NTS: variants seen among roughly 807,000 people sequenced by gnomAD.
NTS encodes the protein neurotensin.
A neutral mutation model predicts 19.5 loss-of-function variants in NTS; 20 were observed. The observed-to-expected ratio is 1.02, with a 90% CI of 0.72 to 1.49. The LOEUF (loss-of-function observed/expected upper bound fraction) is 1.49, where lower values mean the gene tolerates loss of function less well. Among genes scored for constraint, NTS ranks in the 40% most tolerant of loss-of-function variants. The pLI is 0.00. For synonymous variants in NTS, 71 were observed against 63.3 expected (o/e 1.12, Z -0.58); for missense variants, 215 against 193.1 (o/e 1.11, Z -0.67).
chr12:85,877,352 T>C (rs771285361), intron 2 of NTS, among the ~76,000 whole-genome samples: 4 of 152,054 alleles, frequency 2.6e-5, no homozygotes, highest in Non-Finnish European at 5.9e-5. Context: ...CTTCATTGTA[T>C]GTCTGGATTT....
Position 85,882,424 on chromosome 12 carries a change from TTAAA to T in NTS, c.*52_*55del. 1.5e-6 allele frequency: 2 copies of T among 1,306,544 alleles called. No individual in the cohort carries two copies. The highest frequency in any genetic ancestry group is 2.1e-6 in the Non-Finnish European group (2 of 952,802). The allele number at this position is 1,306,544 out of a possible 1,614,324, so 80.9% of individuals were successfully genotyped here. On this transcript the variant is annotated 3_prime_UTR_variant, in exon 4 of 4. Transcript: ENST00000256010. ...GTGATTGTGATTCATCATCCCTTAA[TTAAA>T]TATCAAATTATATTTGTGTGAAAAT... is the stretch of plus-strand genomic sequence containing the variant.
chr12:85,882,293 T>A lies in NTS; in HGVS notation c.431T>A (p.Ile144Asn). The change falls in exon 4 of 4, where the codon ATT becomes AAT. Residue 144 changes from isoleucine (I) to asparagine (N), a missense_variant. Transcript: ENST00000256010. ...NGKEEVIKRK[I>N]PYILKRQLYE... The stretch of plus-strand genomic sequence containing the variant: ...AAGGAAGAAGTCATAAAGAGAAAAA[T>A]TCCTTATATTCTGAAACGGCAGCTG... 1 of 1,608,508 alleles carries A rather than the reference T, an allele frequency of 6.2e-7. No individual in the cohort carries two copies. Among genetic ancestry groups the A allele is most frequent in the Non-Finnish European group, 8.5e-7 (1 of 1,177,494 alleles).
intron 3 of NTS, among the ~76,000 whole-genome samples, chr12:85,880,274 G>A (rs1881472595): frequency 6.6e-6 from 1 of 151,776 alleles, no homozygotes; most frequent in Non-Finnish European, 1.5e-5. Context: ...TTACAGCTTT[G>A]GAAAGATATA....
At position 85,882,505 on chromosome 12, in the gene NTS, A is replaced by G. The variant is rs1401205682; in HGVS notation, c.*130A>G. On this transcript the variant is annotated 3_prime_UTR_variant, in exon 4 of 4. Coordinates refer to ENST00000256010, the MANE Select transcript of NTS (RefSeq NM_006183.5). The stretch of plus-strand genomic sequence containing the variant: ...CTACAATTGTGGTTTATTGAATGTG[A>G]TTTTTCTGCACTAATATAAATTAGA... The G allele has an allele frequency of 1.4e-6, 1 of 707,894 alleles. No homozygotes were observed. The highest frequency in any genetic ancestry group is 1.8e-5 in the African/African-American group (1 of 54,452). 43.9% of individuals were successfully genotyped at this position (707,894 alleles called of 1,614,324 possible). A position where few individuals can be genotyped will look rare whatever the true frequency, so the allele number is the denominator to read the frequency against.
chr12:85,876,604 T>A (rs573949210), intron 1 of NTS, 36 bp from the exon 2 acceptor site: 1 of 1,275,464 alleles, frequency 7.8e-7, no homozygotes. Flanking sequence ...TTATATGATA[T>A]GTAATTATAG....
At chr12:85,879,902 T>C (rs1881464141) in intron 3 of NTS, among the ~76,000 whole-genome samples, 1 of 147,042 alleles carries the variant, frequency 6.8e-6, no homozygotes, top group Non-Finnish European at 1.5e-5. Flanking sequence ...AAATATATTT[T>C]ATGTATATAA....
Position 85,874,428 on chromosome 12 carries a change from C to T in NTS, c.25C>T (p.Leu9Phe). 3 of 1,613,524 alleles carry T rather than the reference C, an allele frequency of 1.9e-6. No homozygotes were observed. Among genetic ancestry groups the T allele is most frequent in the Non-Finnish European group, 2.5e-6 (3 of 1,179,542 alleles). The stretch of plus-strand genomic sequence containing the variant: ...GATGATGGCAGGAATGAAAATCCAG[C>T]TTGTATGCATGCTACTCCTGGCTTT... The part of the protein sequence containing the change: MMAGMKIQ[L>F]VCMLLLAFSS... Residue 9 changes from leucine (L) to phenylalanine (F), a missense_variant, in exon 1 of 4, where the codon CTT becomes TTT. Physicochemically the swap from Leu to Phe is conservative, Grantham distance 22. Coordinates refer to ENST00000256010, the MANE Select transcript of NTS (RefSeq NM_006183.5).
chr12:85,882,492 T>TTTA lies in NTS; in HGVS notation c.*120_*122dup, dbSNP rs1881524086. On this transcript the variant is annotated 3_prime_UTR_variant, in exon 4 of 4. Coordinates refer to ENST00000256010, the MANE Select transcript of NTS (RefSeq NM_006183.5). ...TTATCTGTCTCTTCTACAATTGTGG[T>TTTA]TTATTGAATGTGATTTTTCTGCACT... The TTTA allele has an allele frequency of 1.2e-6, 1 of 828,420 alleles. No homozygotes were observed. The highest frequency in any genetic ancestry group is 2.0e-5 in the South Asian group (1 of 49,230). The allele number at this position is 828,420 out of a possible 1,614,324, so 51.3% of individuals were successfully genotyped here. A position where few individuals can be genotyped will look rare whatever the true frequency, so the allele number is the denominator to read the frequency against.
Position 85,878,433 on chromosome 12 carries a change from CAGG to C in NTS, c.227_229del (p.Gly76del), listed in dbSNP as rs1315369331. ...AATTTGAACAGCCCAGCTGAGGAAA[CAGG>C]AGAAGTTCATGAAGAGGAGCTTGTT... On this transcript the variant is annotated inframe_deletion, in exon 3 of 4. Transcript: ENST00000256010. 1.9e-6 allele frequency: 3 copies of C among 1,613,524 alleles called. No individual in the cohort carries two copies. The highest frequency in any genetic ancestry group is 2.7e-5 in the African/African-American group (2 of 74,880).
intron 1 of NTS, among the ~76,000 whole-genome samples, 190 bp downstream of exon 1, chr12:85,874,666 T>C (rs1881298441): frequency 6.6e-6 from 1 of 152,182 alleles, no homozygotes; most frequent in South Asian, 2.1e-4. Context: ...TTTTCTCTTT[T>C]AAAATCTGCA....
In NTS at chr12:85,882,485, A is replaced by G; in HGVS notation, c.*110A>G. The G allele has an allele frequency of 1.2e-6, 1 of 850,476 alleles. No homozygotes were observed. The highest frequency in any genetic ancestry group is 1.8e-6 in the Non-Finnish European group (1 of 554,622). The allele number at this position is 850,476 out of a possible 1,614,324, so 52.7% of individuals were successfully genotyped here. A position where few individuals can be genotyped will look rare whatever the true frequency, so the allele number is the denominator to read the frequency against. On this transcript the variant is annotated 3_prime_UTR_variant, in exon 4 of 4. Transcript: ENST00000256010. Reference sequence around the variant, plus strand: ...AACACACTTATCTGTCTCTTCTACAATTGTGGTTTATTGAATGTGATTTTT... The same window carrying G: ...AACACACTTATCTGTCTCTTCTACAGTTGTGGTTTATTGAATGTGATTTTT...
At chr12:85,882,073 A>C in intron 3 of NTS, 150 bp from the exon 4 acceptor site, 1 of 616,712 alleles carries the variant, frequency 1.6e-6, no homozygotes, top group Non-Finnish European at 2.8e-6. Context: ...TCTCCTTTGA[A>C]AAAACAATTT....
intron 1 of NTS, among the ~76,000 whole-genome samples, chr12:85,875,915 A>G (rs1394498864): frequency 1.3e-5 from 2 of 151,910 alleles, no homozygotes; most frequent in African/African-American, 4.8e-5. Flanking sequence ...ATTGTATAGT[A>G]TTTTCCAAAT....
intron 1 of NTS, among the ~76,000 whole-genome samples, chr12:85,874,904 T>C (rs1174163334): frequency 2.0e-5 from 3 of 152,200 alleles, no homozygotes; most frequent in Non-Finnish European, 4.4e-5. Flanking sequence ...CTCACGCCCT[T>C]GTAATAGTCC....
chr12:85,875,469 TA>T (rs1352940330), intron 1 of NTS, among the ~76,000 whole-genome samples: 1 of 152,104 alleles, frequency 6.6e-6, no homozygotes, highest in Non-Finnish European at 1.5e-5. Context: ...ATTATGAAAT[TA>T]AAATCTAAGA....
chr12:85,878,757 C>T (rs1881404514), intron 3 of NTS, among the ~76,000 whole-genome samples, 188 bp downstream of exon 3: 1 of 151,920 alleles, frequency 6.6e-6, no homozygotes, highest in Non-Finnish European at 1.5e-5. Flanking sequence ...TGAAACTCAG[C>T]AAAATATGTT....
chr12:85,882,284 A>G lies in NTS; in HGVS notation c.422A>G (p.Lys141Arg). 2 of 1,609,284 alleles carry G rather than the reference A, an allele frequency of 1.2e-6. No individual in the cohort carries two copies. Among genetic ancestry groups the G allele is most frequent in the South Asian group, 1.1e-5 (1 of 90,188 alleles). The change falls in exon 4 of 4, where the codon AAG becomes AGG. Residue 141 changes from lysine (K) to arginine (R), a missense_variant. By Grantham distance (26) the Lys-to-Arg change is conservative. Transcript: ENST00000256010. Reference sequence around the variant, plus strand: ...AAAAATGGAAAGGAAGAAGTCATAAAGAGAAAAATTCCTTATATTCTGAAA... The same window carrying G: ...AAAAATGGAAAGGAAGAAGTCATAAGGAGAAAAATTCCTTATATTCTGAAA... ...NDKNGKEEVI[K>R]RKIPYILKRQ...
intron 2 of NTS, among the ~76,000 whole-genome samples, chr12:85,877,285 G>T (rs12313658): frequency 1.3e-5 from 2 of 151,542 alleles, no homozygotes; most frequent in Admixed American, 1.3e-4. Flanking sequence ...ATTGCAGTTC[G>T]TAATCTTCTA....
intron 1 of NTS, among the ~76,000 whole-genome samples, chr12:85,876,315 C>T (rs571022161): frequency 4.2e-4 from 64 of 151,950 alleles, no homozygotes; most frequent in African/African-American, 1.4e-3. Flanking sequence ...AAATAAGCTA[C>T]TCTAGCATAT....
Sources: gnomAD v4.1 joint callset for allele counts (sites outside exome capture counted in the v4.1 genomes callset) on GRCh38, gnomAD v4.1.1 for gene constraint, MANE v1.5 for transcripts, NCBI Gene and HGNC (gene_info 2026-07-23, HGNC 2026-07-21) for gene names.